TCF20: variants seen among roughly 807,000 people sequenced by gnomAD.
The protein encoded by TCF20 is SPRE-binding protein.
TCF20 carries 3 observed loss-of-function variants against 148.6 expected under a neutral mutation model. That is an observed-to-expected ratio of 0.02 (90% CI 0.01 to 0.05). The LOEUF (loss-of-function observed/expected upper bound fraction) is 0.05. Among genes scored for constraint, TCF20 ranks in the 10% least tolerant of loss-of-function variants. The probability of loss-of-function intolerance (pLI) is 1.00; values close to 1 mark genes in which losing one functional copy is unlikely to be tolerated. For missense variants in TCF20, 2,350 were observed against 2,429.3 expected, an observed-to-expected ratio of 0.97 and a Z score of 0.69; for synonymous variants, 1,049 against 909.5, an observed-to-expected ratio of 1.15 and a Z score of -2.76.
intron 3 of TCF20, among the ~76,000 whole-genome samples, chr22:42,176,095 ACT>A (rs1936432631): frequency 6.6e-6 from 1 of 152,060 alleles, no homozygotes; most frequent in Non-Finnish European, 1.5e-5. Flanking sequence ...CACACCTGGC[ACT>A]CTGTTTCTGA....
intron 1 of TCF20, among the ~76,000 whole-genome samples, chr22:42,242,221 AAAAAAAC>A (rs1359814209): frequency 1.3e-5 from 2 of 150,022 alleles, no homozygotes; most frequent in African/African-American, 4.9e-5. Context: ...AAAAAAAAAA[AAAAAAAC>A]AGAAAAGAAA....
At chr22:42,298,465 G>A (rs1439265301) in intron 1 of TCF20, among the ~76,000 whole-genome samples, 4 of 152,230 alleles carry the variant, frequency 2.6e-5, no homozygotes, top group South Asian at 4.1e-4. Flanking sequence ...GGCACATGCC[G>A]GGGTGGTGAC....
intron 1 of TCF20, among the ~76,000 whole-genome samples, chr22:42,247,200 G>A (rs1924990501): frequency 6.6e-6 from 1 of 151,762 alleles, no homozygotes. Context: ...AGCACTTTGG[G>A]AGGCCGAGGC....
At chr22:42,165,566 C>T (rs1438528155) in intron 5 of TCF20, among the ~76,000 whole-genome samples, 1 of 152,254 alleles carries the variant, frequency 6.6e-6, no homozygotes, top group African/African-American at 2.4e-5. Flanking sequence ...TTCCCCTCCG[C>T]ACTCCTGGCG....
intron 1 of TCF20, among the ~76,000 whole-genome samples, chr22:42,221,205 G>A (rs1180453627): frequency 1.3e-5 from 2 of 152,308 alleles, no homozygotes; most frequent in East Asian, 1.9e-4. Flanking sequence ...TGCAGCACAC[G>A]TGGATTCATA....
At chr22:42,207,512 C>T (rs1423343424) in intron 2 of TCF20, among the ~76,000 whole-genome samples, 2 of 152,198 alleles carry the variant, frequency 1.3e-5, no homozygotes, top group Admixed American at 1.3e-4. Flanking sequence ...ACATCTCTTT[C>T]TCTCTTAAAA....
chr22:42,309,592 C>A (rs1257062083), intron 1 of TCF20, among the ~76,000 whole-genome samples: 3 of 152,082 alleles, frequency 2.0e-5, no homozygotes, highest in African/African-American at 4.8e-5. Context: ...TGCTGCACAC[C>A]CCAACCGTGC....
At chr22:42,231,706 G>A (rs1317522467) in intron 1 of TCF20, among the ~76,000 whole-genome samples, 3 of 152,068 alleles carry the variant, frequency 2.0e-5, no homozygotes, top group Non-Finnish European at 4.4e-5. Context: ...CAGGCGGGTG[G>A]ATCACAAGGT....
chr22:42,264,862 A>C (rs1158198606), intron 1 of TCF20, among the ~76,000 whole-genome samples: 1 of 152,216 alleles, frequency 6.6e-6, no homozygotes, highest in Non-Finnish European at 1.5e-5. Context: ...TAGCACACAC[A>C]TGCACGCGGA....
chr22:42,199,706 C>CAAAAAAAAAAAAAAAAA (rs59845847), intron 2 of TCF20, among the ~76,000 whole-genome samples: 1 of 33,872 alleles, frequency 3.0e-5, no homozygotes, highest in East Asian at 7.6e-4. Flanking sequence ...CCCATCTCTA[C>CAAAAAAAAAAAAAAAAA]AAAAAAAAAA....
At chr22:42,236,920 C>T (rs1374413676) in intron 1 of TCF20, among the ~76,000 whole-genome samples, 3 of 152,198 alleles carry the variant, frequency 2.0e-5, no homozygotes, top group Non-Finnish European at 2.9e-5. Flanking sequence ...TTAAAAAATG[C>T]TAACAATCAT....
chr22:42,267,922 G>C (rs1188831768), intron 1 of TCF20, among the ~76,000 whole-genome samples: 2 of 152,204 alleles, frequency 1.3e-5, no homozygotes, highest in Non-Finnish European at 1.5e-5. Context: ...AAGGCAGGCG[G>C]ATCACCTGAG....
At chr22:42,278,276 G>A (rs949316401) in intron 1 of TCF20, 5 of 152,186 alleles carry the variant, frequency 3.3e-5, no homozygotes, top group African/African-American at 1.2e-4. Flanking sequence ...CATCTCACAC[G>A]GGCAGCCCTC....
chr22:42,203,113 T>C (rs1272951590), intron 2 of TCF20, among the ~76,000 whole-genome samples: 3 of 152,218 alleles, frequency 2.0e-5, no homozygotes, highest in African/African-American at 4.8e-5. Flanking sequence ...TTATCAATAT[T>C]TTTGTTTATG....
intron 1 of TCF20, among the ~76,000 whole-genome samples, chr22:42,239,051 G>A (rs1417819897): frequency 6.6e-6 from 1 of 152,040 alleles, no homozygotes; most frequent in Non-Finnish European, 1.5e-5. Flanking sequence ...GCGGCAGGCA[G>A]AGCTTGCAGT....
intron 1 of TCF20, among the ~76,000 whole-genome samples, chr22:42,318,302 T>G (rs1927670157): frequency 6.6e-6 from 1 of 152,156 alleles, no homozygotes; most frequent in African/African-American, 2.4e-5. Flanking sequence ...AGGAGTTCAA[T>G]ATATAATTTA....
intron 1 of TCF20, among the ~76,000 whole-genome samples, chr22:42,235,592 G>C (rs976983566): frequency 1.3e-5 from 2 of 152,174 alleles, no homozygotes; most frequent in African/African-American, 2.4e-5. Context: ...ACATACAATT[G>C]CTTCCACTAT....
chr22:42,164,290 C>T (rs1287723498), intron 5 of TCF20, among the ~76,000 whole-genome samples: 3 of 145,416 alleles, frequency 2.1e-5, no homozygotes, highest in Non-Finnish European at 4.5e-5. Flanking sequence ...TCTCAGCTCA[C>T]TGCAAGCTCC....
At chr22:42,226,189 CAGG>C (rs1922878475) in intron 1 of TCF20, among the ~76,000 whole-genome samples, 1 of 152,132 alleles carries the variant, frequency 6.6e-6, no homozygotes, top group South Asian at 2.1e-4. Context: ...AAAAAGGGGG[CAGG>C]AGAAGGGTGG....
Sources: allele counts gnomAD v4.1 joint callset (sites outside exome capture counted in the v4.1 genomes callset), GRCh38; gene constraint gnomAD v4.1.1; transcripts MANE v1.5; gene names NCBI Gene and HGNC (gene_info 2026-07-23, HGNC 2026-07-21).